The following DPP6 variants were observed in gnomAD, a reference collection of about 807,000 sequenced individuals.
The protein encoded by DPP6 is A-type potassium channel modulatory protein DPP6.
Under a neutral mutation model 122.6 loss-of-function variants are expected in DPP6, and 69 were observed. The observed-to-expected ratio is 0.56, with a 90% confidence interval of 0.46 to 0.69. DPP6 has a LOEUF of 0.69. DPP6 is among the 30% of genes least tolerant of loss of function. The pLI, the probability that DPP6 is intolerant of heterozygous loss-of-function variation, is 0.00. For synonymous variants in DPP6, 418 were observed against 433.1 expected (o/e 0.97, Z 0.43); for missense variants, 928 against 1,116.9 (o/e 0.83, Z 2.41).
intron 8 of DPP6, among the ~76,000 whole-genome samples, chr7:154,740,288 A>G (rs1842757017): frequency 6.8e-6 from 1 of 147,986 alleles, no homozygotes; most frequent in South Asian, 2.1e-4. Flanking sequence ...ACCCTTGGGA[A>G]CTCTAATTTC....
chr7:154,080,039 C>T (rs1329164574), intron 1 of DPP6, among the ~76,000 whole-genome samples: 5 of 150,536 alleles, frequency 3.3e-5, no homozygotes, highest in African/African-American at 7.3e-5. Flanking sequence ...GGAAGCCACA[C>T]GAGATAGCGC....
chr7:154,247,285 C>G (rs1488329011), intron 1 of DPP6, among the ~76,000 whole-genome samples: 1 of 152,074 alleles, frequency 6.6e-6, no homozygotes, highest in South Asian at 2.1e-4. Flanking sequence ...TGCACTCCAG[C>G]CTGGGCGACA....
intron 16 of DPP6, among the ~76,000 whole-genome samples, chr7:154,827,635 G>T (rs1266605318): frequency 1.3e-5 from 2 of 150,898 alleles, no homozygotes; most frequent in African/African-American, 2.4e-5. Flanking sequence ...AGTGAGGAGG[G>T]GGTGTCTCCC....
At chr7:154,849,447 G>A (rs1480829564) in intron 16 of DPP6, among the ~76,000 whole-genome samples, 2 of 152,082 alleles carry the variant, frequency 1.3e-5, no homozygotes. Flanking sequence ...AAATGGGATT[G>A]TTTCCTTAAT....
chr7:154,505,182 A>T (rs10262182), intron 3 of DPP6, among the ~76,000 whole-genome samples: 76,091 of 151,854 alleles, frequency 0.5, 19,454 homozygotes, highest in Middle Eastern at 0.59. Context: ...TCTGGCACAG[A>T]CCTCTCAGCC....
chr7:153,951,462 A>G (rs540155495), intron 1 of DPP6, among the ~76,000 whole-genome samples: 18 of 151,868 alleles, frequency 1.2e-4, no homozygotes, highest in African/African-American at 4.1e-4. Context: ...ATTGAGCTCC[A>G]CTCTTTTCCA....
the DPP6 span, among the ~76,000 whole-genome samples, chr7:153,813,089 T>C: frequency 6.6e-6 from 1 of 151,900 alleles, no homozygotes; most frequent in African/African-American, 2.4e-5. Flanking sequence ...TACATATGTA[T>C]ACATGTGCCA....
intron 5 of DPP6, among the ~76,000 whole-genome samples, chr7:154,612,116 A>G (rs1038584241): frequency 6.6e-6 from 1 of 152,090 alleles, no homozygotes; most frequent in Non-Finnish European, 1.5e-5. Flanking sequence ...TCCTCCAGAG[A>G]CCCTTGACAG....
At chr7:154,265,047 T>A (rs904807749) in intron 1 of DPP6, among the ~76,000 whole-genome samples, 8 of 152,296 alleles carry the variant, frequency 5.3e-5, no homozygotes, top group African/African-American at 1.9e-4. Context: ...ATGGTGATAA[T>A]GATGGTGATC....
intron 3 of DPP6, among the ~76,000 whole-genome samples, chr7:154,508,368 G>A (rs768083702): frequency 6.6e-6 from 1 of 152,122 alleles, no homozygotes; most frequent in Non-Finnish European, 1.5e-5. Flanking sequence ...CAGGGACTGG[G>A]GTTCCCTCCA....
chr7:154,249,234 A>G (rs1430413884), intron 1 of DPP6, among the ~76,000 whole-genome samples: 1 of 152,258 alleles, frequency 6.6e-6, no homozygotes, highest in African/African-American at 2.4e-5. Context: ...CTCTTTCAAC[A>G]TATTAGCAGG....
intron 1 of DPP6, among the ~76,000 whole-genome samples, chr7:154,086,124 C>A (rs895651128): frequency 2.6e-5 from 4 of 152,154 alleles, no homozygotes; most frequent in African/African-American, 9.7e-5. Context: ...GACATAAATT[C>A]TCTATGATTA....
intron 3 of DPP6, among the ~76,000 whole-genome samples, chr7:154,480,927 C>T (rs1190092534): frequency 6.6e-6 from 1 of 152,206 alleles, no homozygotes; most frequent in East Asian, 1.9e-4. Flanking sequence ...TAACATCCCA[C>T]ATCCGATCCA....
intron 1 of DPP6, among the ~76,000 whole-genome samples, chr7:154,031,850 T>C (rs1799246815): frequency 6.7e-6 from 1 of 148,228 alleles, no homozygotes; most frequent in Admixed American, 6.8e-5. Context: ...CATTCTTTTT[T>C]CCTTTTTTTT....
At chr7:154,362,872 A>G (rs1025981223) in intron 1 of DPP6, among the ~76,000 whole-genome samples, 1 of 152,170 alleles carries the variant, frequency 6.6e-6, no homozygotes. Context: ...GCTCCACTAC[A>G]TCAGCATCAA....
the DPP6 span, among the ~76,000 whole-genome samples, chr7:153,787,137 A>T: frequency 7.4e-6 from 1 of 135,580 alleles, no homozygotes; most frequent in African/African-American, 2.7e-5. Context: ...TTTTTAGTAG[A>T]GATGGGGTTT....
intron 1 of DPP6, among the ~76,000 whole-genome samples, chr7:154,205,778 A>AT (rs1799411632): frequency 6.8e-6 from 1 of 147,548 alleles, no homozygotes; most frequent in African/African-American, 2.6e-5. Flanking sequence ...TTAAAAAAAA[A>AT]AAAAAATTAA....
intron 20 of DPP6, among the ~76,000 whole-genome samples, chr7:154,879,033 G>GGGCAA (rs1805119084): frequency 6.6e-6 from 1 of 152,210 alleles, no homozygotes. Context: ...CAGACGCCAG[G>GGGCAA]ACATCCATCC....
intron 3 of DPP6, among the ~76,000 whole-genome samples, chr7:154,496,481 G>A (rs1213283470): frequency 2.0e-5 from 3 of 152,192 alleles, no homozygotes; most frequent in African/African-American, 7.2e-5. Flanking sequence ...TTTTCAGCAT[G>A]TTTTACTGTG....
Sources: allele counts gnomAD v4.1 joint callset (sites outside exome capture counted in the v4.1 genomes callset), GRCh38; gene constraint gnomAD v4.1.1; transcripts MANE v1.5; gene names NCBI Gene and HGNC (gene_info 2026-07-23, HGNC 2026-07-21).